HCN1: variants seen among roughly 807,000 people sequenced by gnomAD.
HCN1 encodes potassium/sodium hyperpolarization-activated cyclic nucleotide-gated channel 1.
Under a neutral mutation model 78.9 loss-of-function variants are expected in HCN1, and 13 were observed. That is an observed-to-expected ratio of 0.16 (90% confidence interval 0.11 to 0.26). The LOEUF (loss-of-function observed/expected upper bound fraction) is 0.26, where lower values mean the gene tolerates loss of function less well. HCN1 is among the 10% of genes least tolerant of loss of function. The pLI, the probability that HCN1 is intolerant of heterozygous loss-of-function variation, is 1.00. For missense variants in HCN1, 810 were observed against 1,154.3 expected, an observed-to-expected ratio of 0.70 and a Z score of 4.32; for synonymous variants, 552 against 455.5, an observed-to-expected ratio of 1.21 and a Z score of -2.70.
At chr5:45,269,205 G>T (rs981053701) in intron 6 of HCN1, among the ~76,000 whole-genome samples, 1 of 152,208 alleles carries the variant, frequency 6.6e-6, no homozygotes, top group Non-Finnish European at 1.5e-5. Flanking sequence ...TGATGAAAAT[G>T]TTCTAAAACC....
intron 2 of HCN1, among the ~76,000 whole-genome samples, chr5:45,485,778 T>C (rs1317618947): frequency 1.3e-5 from 2 of 152,134 alleles, no homozygotes; most frequent in African/African-American, 2.4e-5. Context: ...TAAGGCATGA[T>C]GTTATATTCT....
At chr5:45,633,982 G>T (rs953226208) in intron 2 of HCN1, among the ~76,000 whole-genome samples, 2 of 151,948 alleles carry the variant, frequency 1.3e-5, no homozygotes, top group African/African-American at 4.8e-5. Flanking sequence ...GAAGGGTGAA[G>T]GATTTAGTTG....
intron 2 of HCN1, among the ~76,000 whole-genome samples, chr5:45,599,415 G>T (rs1647577617): frequency 6.6e-6 from 1 of 151,936 alleles, no homozygotes. Flanking sequence ...GTCAGGGGGT[G>T]GGGGCTGGGG....
At chr5:45,682,414 G>A (rs1414587340) in intron 1 of HCN1, among the ~76,000 whole-genome samples, 1 of 151,424 alleles carries the variant, frequency 6.6e-6, no homozygotes, top group Non-Finnish European at 1.5e-5. Flanking sequence ...GTATGTTTCT[G>A]TGAAGGAATA....
At chr5:45,575,332 C>CA (rs1365470645) in intron 2 of HCN1, 9 of 151,530 alleles carry the variant, frequency 5.9e-5, no homozygotes, top group Non-Finnish European at 1.2e-4. Context: ...ATCGCAAGGA[C>CA]AAAAAACCAA....
At chr5:45,284,495 A>C (rs981292980) in intron 6 of HCN1, among the ~76,000 whole-genome samples, 1 of 152,176 alleles carries the variant, frequency 6.6e-6, no homozygotes, top group Non-Finnish European at 1.5e-5. Context: ...GATCCAATGC[A>C]TAACTCCAAG....
chr5:45,358,031 G>T (rs995093331), intron 4 of HCN1, among the ~76,000 whole-genome samples: 1 of 152,006 alleles, frequency 6.6e-6, no homozygotes, highest in Non-Finnish European at 1.5e-5. Flanking sequence ...ATGAGTGGAA[G>T]CAGCCTGAGG....
At chr5:45,391,100 G>A (rs772011256) in intron 4 of HCN1, among the ~76,000 whole-genome samples, 97 of 151,932 alleles carry the variant, frequency 6.4e-4, no homozygotes, top group Non-Finnish European at 1.1e-3. Context: ...TTTTGACTAA[G>A]GTACTATGTG....
intron 3 of HCN1, among the ~76,000 whole-genome samples, chr5:45,447,370 G>A (rs1452737295): frequency 6.6e-6 from 1 of 152,168 alleles, no homozygotes; most frequent in African/African-American, 2.4e-5. Context: ...AGCCTCTTGA[G>A]TAGCTGAGAC....
chr5:45,335,142 A>G (rs1403383651), intron 5 of HCN1, among the ~76,000 whole-genome samples: 3 of 152,004 alleles, frequency 2.0e-5, no homozygotes, highest in Non-Finnish European at 1.5e-5. Flanking sequence ...CCATTGTTTA[A>G]AAATAGATCA....
intron 6 of HCN1, among the ~76,000 whole-genome samples, chr5:45,284,995 G>T (rs1268288714): frequency 1.3e-5 from 2 of 152,004 alleles, no homozygotes; most frequent in Admixed American, 6.6e-5. Flanking sequence ...AATGGTGGGG[G>T]AAATGCTACT....
At chr5:45,549,912 G>C (rs148010167) in intron 2 of HCN1, among the ~76,000 whole-genome samples, 137,419 of 151,952 alleles carry the variant, frequency 0.9, 62,516 homozygotes, top group Non-Finnish European at 0.95. Context: ...CATCATCACT[G>C]GCCATCAGAG....
intron 3 of HCN1, among the ~76,000 whole-genome samples, chr5:45,402,864 C>CTTCT (rs1739850156): frequency 1.4e-5 from 2 of 142,592 alleles, no homozygotes; most frequent in Non-Finnish European, 3.0e-5. Context: ...TCCTTCCTTC[C>CTTCT]TCTACTTCCT....
At chr5:45,595,527 T>G (rs934868305) in intron 2 of HCN1, among the ~76,000 whole-genome samples, 3 of 152,088 alleles carry the variant, frequency 2.0e-5, no homozygotes, top group African/African-American at 7.2e-5. Context: ...GAGCTTCAAT[T>G]GTTTTGTCTC....
At chr5:45,454,479 T>TTAAAAAAAAA (rs918278256) in intron 3 of HCN1, among the ~76,000 whole-genome samples, 15 of 150,212 alleles carry the variant, frequency 1.0e-4, no homozygotes, top group East Asian at 1.9e-4. Flanking sequence ...TTGTTAGGTC[T>TTAAAAAAAAA]TAAAAAAAAA....
At chr5:45,589,798 A>G (rs747945650) in intron 2 of HCN1, among the ~76,000 whole-genome samples, 33 of 152,178 alleles carry the variant, frequency 2.2e-4, no homozygotes, top group Non-Finnish European at 3.8e-4. Context: ...TTAGAAGAGA[A>G]CATTGCTTAA....
chr5:45,606,582 C>A (rs954646072), intron 2 of HCN1, among the ~76,000 whole-genome samples: 1 of 151,786 alleles, frequency 6.6e-6, no homozygotes, highest in East Asian at 1.9e-4. Context: ...AAGTACAGGA[C>A]AAAAGTCACA....
chr5:45,562,172 C>T (rs1391357504), intron 2 of HCN1, among the ~76,000 whole-genome samples: 2 of 151,936 alleles, frequency 1.3e-5, no homozygotes, highest in African/African-American at 4.8e-5. Flanking sequence ...GTCCTTAAAC[C>T]TGTGGAGTTT....
In HCN1 at chr5:45,678,274, T is replaced by C. The variant is rs190683193; in HGVS notation, c.425+17395A>G. Among the ~76,000 whole-genome samples the C allele has an allele frequency of 7.6e-4, 115 of 152,036 alleles. 2 individuals are homozygous for C. In the East Asian group the frequency reaches 0.022, roughly 28 times the overall value. ...AGAGGTACAACGGTACCATAGTTAATGGAGGAATTTCTTGGGCATCTGCCA... is the reference window on the plus strand; with the variant it reads ...AGAGGTACAACGGTACCATAGTTAACGGAGGAATTTCTTGGGCATCTGCCA... On this transcript the variant is annotated intron_variant, in intron 1 of 7. Transcript: ENST00000303230.
Sources: gnomAD v4.1 joint callset for allele counts (sites outside exome capture counted in the v4.1 genomes callset) on GRCh38, gnomAD v4.1.1 for gene constraint, MANE v1.5 for transcripts, NCBI Gene and HGNC (gene_info 2026-07-23, HGNC 2026-07-21) for gene names.